The following AKT3 variants were observed in gnomAD, a reference collection of about 807,000 sequenced individuals.
The protein encoded by AKT3 is RAC-gamma serine/threonine-protein kinase.
In AKT3, 15 loss-of-function variants were observed where a neutral mutation model predicts 65.3. The ratio of observed to expected loss-of-function variants is 0.23; its 90% CI spans 0.15 to 0.35. The LOEUF (loss-of-function observed/expected upper bound fraction) is 0.35, where lower values mean the gene tolerates loss of function less well. Ranked by LOEUF, AKT3 falls within the 10% of genes least tolerant of loss-of-function variation. The probability of loss-of-function intolerance (pLI) is 1.00; values close to 1 mark genes in which losing one functional copy is unlikely to be tolerated. For missense variants in AKT3, 243 were observed against 576.5 expected (o/e 0.42, Z 5.92); for synonymous variants, 206 against 183.8 (o/e 1.12, Z -0.98).
chr1:243,686,326 T>A (rs1294395429), intron 3 of AKT3, among the ~76,000 whole-genome samples: 1 of 152,022 alleles, frequency 6.6e-6, no homozygotes, highest in African/African-American at 2.4e-5. Context: ...TGTACCTCAC[T>A]CTGTTTAGTC....
chr1:243,618,786 C>T (rs910371795), intron 6 of AKT3, among the ~76,000 whole-genome samples: 1 of 152,054 alleles, frequency 6.6e-6, no homozygotes, highest in Non-Finnish European at 1.5e-5. Context: ...CATTCACCCT[C>T]TATTACACAC....
chr1:243,591,886 T>TA (rs1676254603), intron 8 of AKT3, among the ~76,000 whole-genome samples: 1 of 151,998 alleles, frequency 6.6e-6, no homozygotes. Flanking sequence ...AGAACATTAG[T>TA]AAACAGTGGG....
chr1:243,527,809 C>T (rs543828303), intron 12 of AKT3, among the ~76,000 whole-genome samples: 3 of 150,284 alleles, frequency 2.0e-5, no homozygotes, highest in Admixed American at 1.3e-4. Flanking sequence ...GAGGCTGCAG[C>T]GAGCTGTGAT....
At chr1:243,849,494 C>G (rs1433283008) in intron 1 of AKT3, among the ~76,000 whole-genome samples, 3 of 151,770 alleles carry the variant, frequency 2.0e-5, no homozygotes, top group Admixed American at 1.3e-4. Flanking sequence ...CGCCTTCACC[C>G]CACCCCACGC....
chr1:243,606,790 C>T (rs551674267), intron 8 of AKT3, among the ~76,000 whole-genome samples: 77 of 152,342 alleles, frequency 5.1e-4, no homozygotes, highest in African/African-American at 1.8e-3. Flanking sequence ...GAGGGAAAAA[C>T]AGTTTTGTGG....
chr1:243,822,499 T>A (rs1693917335), intron 2 of AKT3, among the ~76,000 whole-genome samples: 1 of 149,730 alleles, frequency 6.7e-6, no homozygotes, highest in Non-Finnish European at 1.5e-5. Flanking sequence ...GGAGCTGGTT[T>A]TTTTAAAAAA....
intron 2 of AKT3, among the ~76,000 whole-genome samples, chr1:243,759,345 T>A (rs1039755759): frequency 1.3e-4 from 20 of 151,346 alleles, no homozygotes; most frequent in South Asian, 1.0e-3. Context: ...TAAATTAAAT[T>A]AAATTAAATT....
At chr1:243,836,744 C>CT (rs1558859473) in intron 2 of AKT3, among the ~76,000 whole-genome samples, 1 of 151,876 alleles carries the variant, frequency 6.6e-6, no homozygotes, top group Non-Finnish European at 1.5e-5. Context: ...AACCCTGTCT[C>CT]TACTAAAAGT....
chr1:243,640,092 T>G (rs1680259819), intron 5 of AKT3, among the ~76,000 whole-genome samples: 1 of 152,204 alleles, frequency 6.6e-6, no homozygotes, highest in Admixed American at 6.5e-5. Flanking sequence ...TTAAAGTGTC[T>G]TACATTCAAT....
intron 12 of AKT3, among the ~76,000 whole-genome samples, chr1:243,528,176 AT>A (rs1411717797): frequency 1.3e-5 from 2 of 152,020 alleles, no homozygotes; most frequent in African/African-American, 4.8e-5. Flanking sequence ...TACTATCTGT[AT>A]GTTTTTATCT....
At position 243,570,056 on chromosome 1, in the gene AKT3, T is replaced by G. The variant is rs143235671; in HGVS notation, c.819+2870A>C. Among the ~76,000 whole-genome samples the G allele has an allele frequency of 6.5e-4, 99 of 152,360 alleles. 1 individual carries two copies. Among genetic ancestry groups the G allele is most frequent in the Admixed American group, 1.2e-3 (19 of 15,298 alleles). ...TGTGTATTGACAAATTAAATGAACT[T>G]ACTTTCTAAAGTACAACAAAGGCTT... On this transcript the variant is annotated intron_variant, in intron 9 of 13. Transcript: ENST00000673466.
At chr1:243,551,779 AAT>A (rs1486824845) in intron 11 of AKT3, among the ~76,000 whole-genome samples, 1 of 152,176 alleles carries the variant, frequency 6.6e-6, no homozygotes, top group South Asian at 2.1e-4. Context: ...TTTTAATATT[AAT>A]AGTCATTTCA....
chr1:243,663,843 T>C (rs1682570329), intron 4 of AKT3, among the ~76,000 whole-genome samples: 1 of 152,146 alleles, frequency 6.6e-6, no homozygotes, highest in Admixed American at 6.5e-5. Flanking sequence ...TGGACCTAAC[T>C]CAGTATCAGA....
intron 12 of AKT3, among the ~76,000 whole-genome samples, chr1:243,526,836 T>C (rs1007283229): frequency 3.2e-5 from 4 of 126,788 alleles, no homozygotes; most frequent in Non-Finnish European, 4.9e-5. Flanking sequence ...ACAGGAATTA[T>C]TCCAGACGAA....
chr1:243,658,676 CAT>C (rs1484846050), intron 4 of AKT3, among the ~76,000 whole-genome samples: 1 of 152,018 alleles, frequency 6.6e-6, no homozygotes, highest in Non-Finnish European at 1.5e-5. Flanking sequence ...CTCTCATGCT[CAT>C]TGTTGCACTA....
At chr1:243,657,975 C>G (rs1681947028) in intron 4 of AKT3, among the ~76,000 whole-genome samples, 1 of 152,038 alleles carries the variant, frequency 6.6e-6, no homozygotes, top group South Asian at 2.1e-4. Flanking sequence ...ACAAAACCAA[C>G]TCAAAATGGA....
chr1:243,572,908 C>CT lies in AKT3; in HGVS notation c.819+17dup, dbSNP rs66631932. On this transcript the variant is annotated intron_variant, in intron 9 of 13. Coordinates refer to ENST00000673466, the MANE Select transcript of AKT3 (RefSeq NM_005465.7). ...TCTCTGCAAAAACAAATTTTGATTA[C>CT]TTTTTTTTTTTTTTTACCTTGAGAT... 19,222 of 1,480,010 alleles carry CT rather than the reference C, an allele frequency of 0.013. 1 individual carries two copies. The highest frequency in any genetic ancestry group is 0.017 in the South Asian group (1,344 of 79,558). The allele number at this position is 1,480,010 out of a possible 1,614,324, so 91.7% of individuals were successfully genotyped here. A position where few individuals can be genotyped will look rare whatever the true frequency, so the allele number is the denominator to read the frequency against.
intron 2 of AKT3, among the ~76,000 whole-genome samples, chr1:243,777,976 G>T (rs1690663820): frequency 6.6e-6 from 1 of 152,008 alleles, no homozygotes; most frequent in Admixed American, 6.5e-5. Flanking sequence ...CATTATCTGG[G>T]GCTCCTAAAT....
At chr1:243,620,882 T>G (rs1199614303) in intron 6 of AKT3, among the ~76,000 whole-genome samples, 1 of 152,232 alleles carries the variant, frequency 6.6e-6, no homozygotes, top group East Asian at 1.9e-4. Context: ...TGGACTCCAG[T>G]CTTTCTTCTG....
Sources: allele counts gnomAD v4.1 joint callset (sites outside exome capture counted in the v4.1 genomes callset), GRCh38; gene constraint gnomAD v4.1.1; transcripts MANE v1.5; gene names NCBI Gene and HGNC (gene_info 2026-07-23, HGNC 2026-07-21).